PROS1: variants seen among roughly 807,000 people sequenced by gnomAD.
The protein encoded by PROS1 is vitamin K-dependent protein S.
PROS1 carries 29 observed loss-of-function variants against 75.9 expected under a neutral mutation model. The observed-to-expected ratio is 0.38, with a 90% CI of 0.28 to 0.52. PROS1 has a LOEUF of 0.52. Among genes scored for constraint, PROS1 ranks in the 20% least tolerant of loss-of-function variants. The pLI, the probability that PROS1 is intolerant of heterozygous loss-of-function variation, is 0.83. For synonymous variants in PROS1, 245 were observed against 280.6 expected, an observed-to-expected ratio of 0.87 and a Z score of 1.27; for missense variants, 680 against 810.3, an observed-to-expected ratio of 0.84 and a Z score of 1.95.
At chr3:93,963,852 C>T (rs1372622998) in intron 1 of PROS1, among the ~76,000 whole-genome samples, 2 of 152,140 alleles carry the variant, frequency 1.3e-5, no homozygotes, top group African/African-American at 4.8e-5. Flanking sequence ...GGCACCACCT[C>T]CTACAATGGA....
chr3:93,947,755 G>T (rs1709427674), intron 1 of PROS1, among the ~76,000 whole-genome samples: 1 of 151,892 alleles, frequency 6.6e-6, no homozygotes, highest in Non-Finnish European at 1.5e-5. Context: ...TTTTAGTAGA[G>T]ATGGGGTTTC....
rs538482977 is a variant in PROS1, at chr3:93,944,474, T to C, written c.77-17067A>G. 5.3e-5 allele frequency among the ~76,000 whole-genome samples: 8 copies of C among 152,204 alleles called. No homozygotes were observed. In the South Asian group the frequency reaches 1.0e-3, roughly 20 times the overall value. On this transcript the variant is annotated intron_variant, in intron 1 of 14. Coordinates refer to ENST00000394236, the MANE Select transcript of PROS1 (RefSeq NM_000313.4). The stretch of plus-strand genomic sequence containing the variant: ...AACTGTCTCTCAGACCACAATGCAA[T>C]CAAACTAGAACTCAGGATTAAGAAA...
intron 1 of PROS1, among the ~76,000 whole-genome samples, chr3:93,944,134 T>G (rs931947574): frequency 6.6e-6 from 1 of 152,058 alleles, no homozygotes; most frequent in Non-Finnish European, 1.5e-5. Flanking sequence ...AAATAATAAA[T>G]GTACAGAGAA....
chr3:93,918,682 G>C (rs913483477), intron 3 of PROS1, among the ~76,000 whole-genome samples: 2 of 152,048 alleles, frequency 1.3e-5, no homozygotes. Context: ...GGGATTACAG[G>C]CCTCGCCACC....
chr3:93,888,909 C>T (rs905676337), intron 10 of PROS1, among the ~76,000 whole-genome samples: 1 of 152,128 alleles, frequency 6.6e-6, no homozygotes, highest in African/African-American at 2.4e-5. Flanking sequence ...AATCCACATC[C>T]TCATCATGGC....
chr3:93,893,101 G>A lies in PROS1; in HGVS notation c.987C>T (p.Phe329=). 6.2e-7 allele frequency: 1 copy of A among 1,613,556 alleles called. No homozygotes were observed. Among genetic ancestry groups the A allele is most frequent in the Non-Finnish European group, 8.5e-7 (1 of 1,179,676 alleles). ...EISRFSAEFD[F]RTYDSEGVIL... is the part of the protein sequence containing the mutation. ...TCACGCCTTCTGAATCATATGTCCG[G>A]AAATCAAATTCTGCTGAAAATCTAA... Residue 329 remains phenylalanine (F), a synonymous_variant, in exon 10 of 15, where the codon TTC becomes TTT. Coordinates refer to ENST00000394236, the MANE Select transcript of PROS1 (RefSeq NM_000313.4).
At chr3:93,899,120 T>C (rs1464097371) in intron 7 of PROS1, among the ~76,000 whole-genome samples, 4 of 151,266 alleles carry the variant, frequency 2.6e-5, no homozygotes, top group Admixed American at 2.0e-4. Context: ...CGATAATTAA[T>C]GTTGGCAGTG....
chr3:93,969,029 C>G (rs1472746209), intron 1 of PROS1, among the ~76,000 whole-genome samples: 1 of 150,916 alleles, frequency 6.6e-6, no homozygotes, highest in Non-Finnish European at 1.5e-5. Context: ...TCATAAATAC[C>G]AGCTCATGCT....
At chr3:93,966,827 A>C (rs1478469132) in intron 1 of PROS1, among the ~76,000 whole-genome samples, 1 of 151,532 alleles carries the variant, frequency 6.6e-6, no homozygotes, top group East Asian at 1.9e-4. Context: ...AAAAAAAAAA[A>C]GAAGAAGGCA....
At chr3:93,900,501 C>A (rs1479869426) in intron 7 of PROS1, among the ~76,000 whole-genome samples, 1 of 152,098 alleles carries the variant, frequency 6.6e-6, no homozygotes, top group Non-Finnish European at 1.5e-5. Flanking sequence ...TTCTCTTTAT[C>A]TTTGAATATG....
chr3:93,935,137 TC>T (rs1393229625), intron 1 of PROS1, among the ~76,000 whole-genome samples: 3 of 152,196 alleles, frequency 2.0e-5, no homozygotes, highest in African/African-American at 7.2e-5. Context: ...TGGTCAGTGA[TC>T]AATGAAGATG....
chr3:93,946,068 G>A (rs1280258169), intron 1 of PROS1, among the ~76,000 whole-genome samples: 1 of 152,122 alleles, frequency 6.6e-6, no homozygotes, highest in Admixed American at 6.5e-5. Flanking sequence ...GCTTCAAAGA[G>A]AATAAAATAC....
rs575493691 is a variant in PROS1 at position 93,917,777 on chromosome 3, A to C, written c.259+6463T>G. On this transcript the variant is annotated intron_variant, in intron 3 of 14. Coordinates refer to ENST00000394236, the MANE Select transcript of PROS1 (RefSeq NM_000313.4). ...CTAGGTCCCCCAGCAGTGCTGGCCCACTGGCGCTGCGCTTGATTTCTCGCC... is the reference window on the plus strand; with the variant it reads ...CTAGGTCCCCCAGCAGTGCTGGCCCCCTGGCGCTGCGCTTGATTTCTCGCC... Among the ~76,000 whole-genome samples, 6 of 152,250 alleles carry C rather than the reference A, an allele frequency of 3.9e-5. No individual in the cohort carries two copies. In the East Asian group the frequency reaches 1.2e-3, roughly 30 times the overall value.
At chr3:93,905,632 G>A (rs1213778126) in intron 6 of PROS1, 152 bp downstream of exon 6, 1 of 832,894 alleles carries the variant, frequency 1.2e-6, no homozygotes, top group African/African-American at 1.7e-5. Context: ...CTAAAAAGCA[G>A]TTCCACAGTA....
At chr3:93,907,672 C>T (rs1371130779) in intron 4 of PROS1, among the ~76,000 whole-genome samples, 1 of 152,196 alleles carries the variant, frequency 6.6e-6, no homozygotes, top group East Asian at 1.9e-4. Flanking sequence ...GACAAGAACT[C>T]AGGCAAAGGC....
At chr3:93,898,311 T>C in intron 8 of PROS1, 137 bp downstream of exon 8, 3 of 980,402 alleles carry the variant, frequency 3.1e-6, no homozygotes, top group Non-Finnish European at 4.7e-6. Flanking sequence ...TAAATAATCA[T>C]GACTCATAAC....
chr3:93,892,049 G>A (rs961294637), intron 10 of PROS1, among the ~76,000 whole-genome samples: 2 of 152,130 alleles, frequency 1.3e-5, no homozygotes, highest in African/African-American at 4.8e-5. Context: ...TGTTATGCCA[G>A]CCGGGTGTGG....
intron 1 of PROS1, among the ~76,000 whole-genome samples, chr3:93,944,398 G>A (rs1454679944): frequency 6.6e-6 from 1 of 152,114 alleles, no homozygotes; most frequent in East Asian, 1.9e-4. Flanking sequence ...TGACCACATA[G>A]TTGGAAGAAA....
intron 12 of PROS1, among the ~76,000 whole-genome samples, chr3:93,881,235 T>C (rs1576174092): frequency 6.6e-6 from 1 of 152,120 alleles, no homozygotes; most frequent in African/African-American, 2.4e-5. Flanking sequence ...GGCAGGAGGA[T>C]TGCTTGAGCC....
Sources: allele counts gnomAD v4.1 joint callset (sites outside exome capture counted in the v4.1 genomes callset), GRCh38; gene constraint gnomAD v4.1.1; transcripts MANE v1.5; gene names NCBI Gene and HGNC (gene_info 2026-07-23, HGNC 2026-07-21).